Variants in NAALADL2 observed in about 807,000 individuals in gnomAD.
NAALADL2 encodes N-acetylated alpha-linked acidic dipeptidase like 2.
In NAALADL2, 76 loss-of-function variants were observed where a neutral mutation model predicts 87.2. The observed-to-expected ratio is 0.87, with a 90% CI of 0.72 to 1.05. NAALADL2 has a LOEUF of 1.05. Ranked by LOEUF, NAALADL2 falls within the 50% of genes least tolerant of loss-of-function variation. The pLI, the probability that NAALADL2 is intolerant of heterozygous loss-of-function variation, is 0.00. For synonymous variants in NAALADL2, 354 were observed against 331.0 expected (o/e 1.07, Z -0.75); for missense variants, 1,089 against 945.8 (o/e 1.15, Z -1.99).
intron 1 of NAALADL2, among the ~76,000 whole-genome samples, chr3:175,070,124 G>A (rs1165945320): frequency 6.7e-6 from 1 of 148,584 alleles, no homozygotes; most frequent in Non-Finnish European, 1.5e-5. Flanking sequence ...TAACTAACCT[G>A]CACATTGTGC....
At chr3:174,916,700 T>C (rs1734457265) in intron 1 of NAALADL2, among the ~76,000 whole-genome samples, 1 of 151,916 alleles carries the variant, frequency 6.6e-6, no homozygotes, top group Non-Finnish European at 1.5e-5. Flanking sequence ...ATAATGGACT[T>C]TGGGGACTTG....
chr3:175,041,085 T>A (rs574006540), intron 1 of NAALADL2, among the ~76,000 whole-genome samples: 1 of 152,278 alleles, frequency 6.6e-6, no homozygotes, highest in Non-Finnish European at 1.5e-5. Context: ...TTATTATCGA[T>A]ATTTTGCATA....
In NAALADL2 at chr3:175,527,106, C is replaced by T. The variant is rs141315961; in HGVS notation, c.1654-48935C>T. On this transcript the variant is annotated intron_variant, in intron 9 of 13. Transcript: ENST00000454872. The stretch of plus-strand genomic sequence containing the variant: ...GGTAGAGAGGATCCTGAGGAATCTG[C>T]TAATCTGAGGAAGAAAAGGGACCTG... 1.7e-3 allele frequency among the ~76,000 whole-genome samples: 251 copies of T among 152,052 alleles called. 1 individual carries two copies. Among genetic ancestry groups the T allele is most frequent in the African/African-American group, 5.8e-3 (242 of 41,488 alleles).
At chr3:174,862,413 G>A (rs16865220) in intron 1 of NAALADL2, among the ~76,000 whole-genome samples, 2,276 of 152,014 alleles carry the variant, frequency 0.015, 60 homozygotes, top group African/African-American at 0.053. Context: ...ATCCTTGAAC[G>A]TATAAGGGCT....
At chr3:175,173,287 G>A (rs1433683081) in intron 2 of NAALADL2, among the ~76,000 whole-genome samples, 3 of 142,370 alleles carry the variant, frequency 2.1e-5, no homozygotes, top group Admixed American at 7.2e-5. Flanking sequence ...GCGAGACTCC[G>A]TTTCAAAATA....
chr3:175,313,972 G>T (rs2110327428), intron 4 of NAALADL2, among the ~76,000 whole-genome samples: 1 of 149,876 alleles, frequency 6.7e-6, no homozygotes, highest in South Asian at 2.1e-4. Context: ...TGAGGCAGGA[G>T]AATTGCTTGA....
intron 2 of NAALADL2, among the ~76,000 whole-genome samples, chr3:174,721,191 A>G (rs1731678521): frequency 6.6e-6 from 1 of 152,216 alleles, no homozygotes. Context: ...CTGAGTTATA[A>G]TAAAGCATAG....
intron 1 of NAALADL2, among the ~76,000 whole-genome samples, chr3:175,043,735 T>C (rs1444482825): frequency 6.6e-6 from 1 of 152,184 alleles, no homozygotes; most frequent in Non-Finnish European, 1.5e-5. Flanking sequence ...TGTTAGTCTA[T>C]GTGTCTGTAT....
At chr3:174,665,843 T>C (rs1282105328) in intron 2 of NAALADL2, among the ~76,000 whole-genome samples, 3 of 152,214 alleles carry the variant, frequency 2.0e-5, no homozygotes, top group African/African-American at 7.2e-5. Context: ...CGTAGTTTCT[T>C]GTACTTACCA....
At chr3:175,460,913 G>C (rs1466457557) in intron 6 of NAALADL2, among the ~76,000 whole-genome samples, 3 of 152,202 alleles carry the variant, frequency 2.0e-5, no homozygotes, top group African/African-American at 7.2e-5. Flanking sequence ...AGTGACCCAA[G>C]CAGGTTGCTG....
intron 3 of NAALADL2, among the ~76,000 whole-genome samples, chr3:174,820,831 G>GT (rs138763909): frequency 0.089 from 13,536 of 151,516 alleles, 670 homozygotes; most frequent in Middle Eastern, 0.12. Flanking sequence ...TGTGGTATAT[G>GT]TTTTTTTAAA....
chr3:175,114,453 C>T (rs771458739), intron 2 of NAALADL2, among the ~76,000 whole-genome samples: 29 of 151,626 alleles, frequency 1.9e-4, no homozygotes, highest in Non-Finnish European at 2.8e-4. Context: ...TGTATTATTA[C>T]GCTAAAGTAA....
chr3:175,709,904 G>C (rs1411389819), intron 11 of NAALADL2, among the ~76,000 whole-genome samples: 2 of 152,112 alleles, frequency 1.3e-5, no homozygotes, highest in African/African-American at 4.8e-5. Context: ...GAGGTTGGAA[G>C]TTTGATGCAG....
intron 5 of NAALADL2, among the ~76,000 whole-genome samples, chr3:175,409,990 T>C (rs1394124666): frequency 6.6e-6 from 1 of 152,054 alleles, no homozygotes; most frequent in African/African-American, 2.4e-5. Flanking sequence ...TATTTAAAAG[T>C]AGAAAGACAA....
At chr3:175,667,228 A>G (rs1733230241) in intron 11 of NAALADL2, among the ~76,000 whole-genome samples, 1 of 116,596 alleles carries the variant, frequency 8.6e-6, no homozygotes, top group Non-Finnish European at 1.6e-5. Flanking sequence ...AGAAAGAAAG[A>G]AAGAAAGAAA....
At chr3:174,878,746 G>A (rs375206625) in intron 1 of NAALADL2, among the ~76,000 whole-genome samples, 1 of 151,808 alleles carries the variant, frequency 6.6e-6, no homozygotes, top group Non-Finnish European at 1.5e-5. Flanking sequence ...CCCTTCTGCT[G>A]TTCATTAAAG....
chr3:175,196,411 C>T (rs1560148589), intron 2 of NAALADL2, among the ~76,000 whole-genome samples: 2 of 151,886 alleles, frequency 1.3e-5, no homozygotes, highest in Non-Finnish European at 2.9e-5. Context: ...ATCCTTTCTC[C>T]AGGCATCTTC....
chr3:174,928,160 C>A (rs936126222), intron 1 of NAALADL2, among the ~76,000 whole-genome samples: 1 of 152,082 alleles, frequency 6.6e-6, no homozygotes, highest in Non-Finnish European at 1.5e-5. Context: ...TTCAGTTCAC[C>A]ATGTACATTT....
intron 1 of NAALADL2, among the ~76,000 whole-genome samples, chr3:175,041,686 T>C (rs1444783419): frequency 6.6e-6 from 1 of 152,166 alleles, no homozygotes. Flanking sequence ...ATGCTTTATG[T>C]ACACTTGCAG....
Sources: gnomAD v4.1 joint callset for allele counts (sites outside exome capture counted in the v4.1 genomes callset) on GRCh38, gnomAD v4.1.1 for gene constraint, MANE v1.5 for transcripts, NCBI Gene and HGNC (gene_info 2026-07-23, HGNC 2026-07-21) for gene names.